CCDC69: variants seen among roughly 807,000 people sequenced by gnomAD.
CCDC69 encodes coiled-coil domain-containing protein 69.
In CCDC69, 38 loss-of-function variants were observed where a neutral mutation model predicts 40.3. That is an observed-to-expected ratio of 0.94 (90% CI 0.73 to 1.24). CCDC69 has a LOEUF of 1.24. CCDC69 is among the 50% of genes most tolerant of loss of function. The probability of loss-of-function intolerance (pLI) is 0.00; values close to 1 mark genes in which losing one functional copy is unlikely to be tolerated. For synonymous variants in CCDC69, 141 were observed against 138.9 expected (o/e 1.02, Z -0.11); for missense variants, 389 against 357.9 (o/e 1.09, Z -0.70).
intron 1 of CCDC69, among the ~76,000 whole-genome samples, 181 bp from the exon 2 acceptor site, chr5:151,205,656 G>C (rs1331411886): frequency 6.6e-6 from 1 of 152,226 alleles, no homozygotes; most frequent in East Asian, 1.9e-4. Flanking sequence ...TACCGGGGGA[G>C]GGGCCCCAGA....
chr5:151,192,349 C>CT (rs369382929), intron 4 of CCDC69, among the ~76,000 whole-genome samples: 18 of 151,306 alleles, frequency 1.2e-4, no homozygotes, highest in African/African-American at 4.4e-4. Context: ...TGAAATATCA[C>CT]TACAGACACA....
At chr5:151,205,248 T>C (rs1208412809) in intron 2 of CCDC69, 152 bp downstream of exon 2, 1 of 700,120 alleles carries the variant, frequency 1.4e-6, no homozygotes, top group Admixed American at 2.5e-5. Context: ...TCAGGACTAT[T>C]AATTACCTCC....
chr5:151,211,815 C>T (rs553458786), intron 1 of CCDC69, among the ~76,000 whole-genome samples: 17 of 152,230 alleles, frequency 1.1e-4, no homozygotes, highest in Admixed American at 9.8e-4. Flanking sequence ...TTAGCCACCA[C>T]GCCTGGCCGG....
Position 151,194,891 on chromosome 5 carries a change from C to CAAAAAAA in CCDC69, c.319+4099_319+4105dup, listed in dbSNP as rs59836328. The stretch of plus-strand genomic sequence containing the variant: ...TGGGTGACAGGGCGAGCCTCCATCT[C>CAAAAAAA]AAAAAAAAAAAAAAAAAAAAGAATC... On this transcript the variant is annotated intron_variant, in intron 4 of 8. Coordinates refer to ENST00000355417, the MANE Select transcript of CCDC69 (RefSeq NM_015621.3). Among the ~76,000 whole-genome samples the CAAAAAAA allele has an allele frequency of 2.1e-3, 193 of 92,288 alleles. 5 individuals carry two copies. Among genetic ancestry groups the CAAAAAAA allele is most frequent in the African/African-American group, 8.0e-3 (182 of 22,734 alleles). The allele number at this position is 92,288 out of a possible 152,430, so 60.5% of individuals were successfully genotyped here. A position where few individuals can be genotyped will look rare whatever the true frequency, so the allele number is the denominator to read the frequency against.
chr5:151,223,414 T>C (rs1753166189), intron 1 of CCDC69, among the ~76,000 whole-genome samples: 1 of 152,256 alleles, frequency 6.6e-6, no homozygotes. Context: ...GGCATATTGT[T>C]AAAAGGCAGC....
In CCDC69 at chr5:151,183,621, A is replaced by T; in HGVS notation, c.714-7T>A. On this transcript the variant is annotated splice_polypyrimidine_tract_variant and splice_region_variant and intron_variant, in intron 8 of 8. Transcript: ENST00000355417. ...CAGGTCTTCTGACAGCTGCCTGTGG[A>T]TGCACACAGAGCCCAGGGTTGCCTA... 1 of 1,603,694 alleles carries T rather than the reference A, an allele frequency of 6.2e-7. No individual in the cohort carries two copies. Among genetic ancestry groups the T allele is most frequent in the East Asian group, 2.2e-5 (1 of 44,716 alleles).
intron 1 of CCDC69, among the ~76,000 whole-genome samples, chr5:151,219,642 A>T (rs1227536141): frequency 1.3e-5 from 2 of 152,222 alleles, no homozygotes; most frequent in Non-Finnish European, 2.9e-5. Flanking sequence ...ACAGATAGTC[A>T]TACTCACATC....
intron 4 of CCDC69, among the ~76,000 whole-genome samples, chr5:151,198,335 T>C (rs558477446): frequency 6.7e-6 from 1 of 149,610 alleles, no homozygotes; most frequent in African/African-American, 2.5e-5. Context: ...TCTATCTATC[T>C]ATCTATCTAT....
chr5:151,183,411 G>T lies in CCDC69; in HGVS notation c.*26C>A. 6.3e-7 allele frequency: 1 copy of T among 1,588,354 alleles called. No homozygotes were observed. The highest frequency in any genetic ancestry group is 1.9e-5 in the Admixed American group (1 of 53,838). On this transcript the variant is annotated 3_prime_UTR_variant, in exon 9 of 9. Coordinates refer to ENST00000355417, the MANE Select transcript of CCDC69 (RefSeq NM_015621.3). ...CTTGGAAGGAGCTGTGACTTCAGGC[G>T]TCGTGGTGGGCCCAGGCCCTGCACC...
intron 4 of CCDC69, among the ~76,000 whole-genome samples, chr5:151,193,003 C>T (rs531969640): frequency 3.3e-5 from 5 of 152,034 alleles, no homozygotes; most frequent in Non-Finnish European, 7.4e-5. Context: ...CTTACTTTTA[C>T]ATTGTATTAG....
chr5:151,220,078 C>T (rs1016939896), intron 1 of CCDC69, among the ~76,000 whole-genome samples: 2 of 152,196 alleles, frequency 1.3e-5, no homozygotes, highest in Non-Finnish European at 2.9e-5. Context: ...AGAGGCCAGA[C>T]ACTAGCCTGC....
intron 1 of CCDC69, among the ~76,000 whole-genome samples, chr5:151,216,406 ATTT>A (rs1262419326): frequency 7.7e-5 from 9 of 116,302 alleles, no homozygotes; most frequent in African/African-American, 2.4e-4. Context: ...AATTATTAGG[ATTT>A]TTTTTTTTTT....
chr5:151,204,667 AT>A (rs897478426), intron 2 of CCDC69, among the ~76,000 whole-genome samples: 1 of 151,928 alleles, frequency 6.6e-6, no homozygotes, highest in African/African-American at 2.4e-5. Flanking sequence ...GGCAACATAT[AT>A]TTTTTTTCTG....
chr5:151,195,251 T>C (rs1161414774), intron 4 of CCDC69, among the ~76,000 whole-genome samples: 1 of 152,198 alleles, frequency 6.6e-6, no homozygotes, highest in Non-Finnish European at 1.5e-5. Context: ...GAAATTCTTC[T>C]TATTAATATA....
intron 1 of CCDC69, among the ~76,000 whole-genome samples, chr5:151,216,124 A>C (rs959780985): frequency 2.6e-5 from 4 of 152,068 alleles, no homozygotes; most frequent in African/African-American, 9.7e-5. Flanking sequence ...ATGCCCAGCT[A>C]ATTTTTGTAT....
At chr5:151,184,911 C>G (rs890917212) in intron 7 of CCDC69, 1 of 159,334 alleles carries the variant, frequency 6.3e-6, no homozygotes, top group African/African-American at 2.4e-5. Flanking sequence ...CCCCATCTCC[C>G]TCCTACCCTC....
intron 1 of CCDC69, among the ~76,000 whole-genome samples, chr5:151,213,125 G>A (rs2114001755): frequency 6.6e-6 from 1 of 152,348 alleles, no homozygotes; most frequent in South Asian, 2.1e-4. Context: ...AAGACCACCA[G>A]CATTAATGGA....
At chr5:151,185,928 T>A (rs896916539) in intron 6 of CCDC69, 95 bp downstream of exon 6, 2 of 838,106 alleles carry the variant, frequency 2.4e-6, no homozygotes, top group Non-Finnish European at 4.2e-6. Flanking sequence ...CAGGTCTGAG[T>A]CTTGTCCTTG....
At chr5:151,202,664 T>A (rs1431536000) in intron 2 of CCDC69, among the ~76,000 whole-genome samples, 1 of 152,168 alleles carries the variant, frequency 6.6e-6, no homozygotes, top group Non-Finnish European at 1.5e-5. Context: ...GCCCCTCACC[T>A]TTAGCGTCTC....
Sources: gnomAD v4.1 joint callset for allele counts (sites outside exome capture counted in the v4.1 genomes callset) on GRCh38, gnomAD v4.1.1 for gene constraint, MANE v1.5 for transcripts, NCBI Gene and HGNC (gene_info 2026-07-23, HGNC 2026-07-21) for gene names.